Variants in CERCAM observed in about 807,000 individuals in gnomAD.
The protein encoded by CERCAM is inactive glycosyltransferase 25 family member 3.
In CERCAM, 59 loss-of-function variants were observed where a neutral mutation model predicts 66.0. The ratio of observed to expected loss-of-function variants is 0.89; its 90% CI spans 0.73 to 1.11. The LOEUF (loss-of-function observed/expected upper bound fraction) is 1.11, where lower values mean the gene tolerates loss of function less well. CERCAM is among the 50% of genes most tolerant of loss of function. The pLI is 0.00. For missense variants in CERCAM, 840 were observed against 828.3 expected (o/e 1.01, Z -0.17); for synonymous variants, 318 against 343.6 (o/e 0.93, Z 0.83).
chr9:128,431,456 G>A, intron 9 of CERCAM, 153 bp downstream of exon 9: 1 of 887,874 alleles, frequency 1.1e-6, no homozygotes, highest in Non-Finnish European at 1.7e-6. Flanking sequence ...ACCCCAGTGG[G>A]CACCACTAAG....
chr9:128,435,884 C>G lies in CERCAM; in HGVS notation c.1767C>G (p.Pro589=), dbSNP rs1834101885. ...GCAGCAGCGGGCACAGCCTCCAACC[C>G]CAGCCCCGAGATGAGCTCTAGGTGA... ...LTGSSGHSLQ[P]QPRDEL Residue 589 remains proline, a synonymous_variant, in exon 12 of 13, where the codon CCC becomes CCG. Coordinates refer to ENST00000372838, the MANE Select transcript of CERCAM (RefSeq NM_016174.5). The G allele has an allele frequency of 8.1e-6, 13 of 1,606,078 alleles. No individual in the cohort carries two copies. The highest frequency in any genetic ancestry group is 1.1e-5 in the Non-Finnish European group (13 of 1,179,006).
Position 128,435,521 on chromosome 9 carries a change from A to G in CERCAM, c.1536-132A>G, listed in dbSNP as rs1456000798. 4 of 929,710 alleles carry G rather than the reference A, an allele frequency of 4.3e-6. No individual in the cohort carries two copies. In the African/African-American group the frequency reaches 6.7e-5, roughly 15 times the overall value. 57.6% of individuals were successfully genotyped at this position (929,710 alleles called of 1,614,324 possible). On this transcript the variant is annotated intron_variant, in intron 11 of 12. Transcript: ENST00000372838. ...GGAGGTAGTAGAAGTCCCACTGCTC[A>G]GGGCCGCTGTGAGGACTAGATGGCG...
Position 128,424,169 on chromosome 9 carries a change from A to G in CERCAM, c.458A>G (p.Asn153Ser), listed in dbSNP as rs779190766. Residue 153 changes from asparagine (N) to serine (S), a missense_variant, in exon 4 of 13, where the codon AAT becomes AGT. Physicochemically the swap from Asn to Ser is conservative, Grantham distance 46. Transcript: ENST00000372838. ...FADTDNILTN[N>S]QTLRLLMGQG... ...GACACAGACAACATTCTGACCAACA[A>G]TCAGACTCTGCGGCTTCTCATGGGG... is the stretch of plus-strand genomic sequence containing the variant. 6.8e-6 allele frequency: 11 copies of G among 1,614,180 alleles called. No homozygotes were observed. Among genetic ancestry groups the G allele is most frequent in the Middle Eastern group, 1.6e-4 (1 of 6,062 alleles).
rs143970286 is a variant in CERCAM, at chr9:128,433,789, C to T, written c.1204-313C>T. On this transcript the variant is annotated intron_variant, in intron 9 of 12. Transcript: ENST00000372838. ...TCCCTGCATGTCCACCTCCTTCCTG[C>T]GATTGAGGATCATCATCTCCTGCCT... Among the ~76,000 whole-genome samples, 118 of 152,298 alleles carry T rather than the reference C, an allele frequency of 7.7e-4. 1 individual carries two copies. The highest frequency in any genetic ancestry group is 3.1e-3 in the Admixed American group (47 of 15,290).
intron 11 of CERCAM, among the ~76,000 whole-genome samples, chr9:128,435,347 T>C (rs1834082866): frequency 6.6e-6 from 1 of 152,122 alleles, no homozygotes; most frequent in African/African-American, 2.4e-5. Flanking sequence ...TTGGTCAGGC[T>C]AGTCTTGAAC....
At chr9:128,428,734 T>C (rs1286292778) in intron 6 of CERCAM, 23 bp from the exon 7 acceptor site, 1 of 1,613,544 alleles carries the variant, frequency 6.2e-7, no homozygotes, top group Admixed American at 1.7e-5. Context: ...GGACTCGTGC[T>C]TGGGGTGTGC....
intron 1 of CERCAM, 135 bp downstream of exon 1, chr9:128,421,209 C>A: frequency 2.4e-6 from 3 of 1,236,692 alleles, no homozygotes; most frequent in Non-Finnish European, 3.0e-6. Context: ...CACAGACGGC[C>A]CTGCCAGCCC....
In CERCAM at chr9:128,424,503, G is replaced by C; in HGVS notation, c.655G>C (p.Ala219Pro). The C allele has an allele frequency of 6.2e-7, 1 of 1,613,890 alleles. No homozygotes were observed. The highest frequency in any genetic ancestry group is 8.5e-7 in the Non-Finnish European group (1 of 1,180,008). Residue 219 changes from alanine (A) to proline (P), a missense_variant, in exon 5 of 13, where the codon GCA (alanine) becomes CCA (proline). Coordinates refer to ENST00000372838, the MANE Select transcript of CERCAM (RefSeq NM_016174.5). Reference sequence around the variant, plus strand: ...CCCCATGGTCCACTCCACCTTCCTTGCATCCCTGCGGGCTGAAGGGGCAGA... The same window carrying C: ...CCCCATGGTCCACTCCACCTTCCTTCCATCCCTGCGGGCTGAAGGGGCAGA... ...RVPMVHSTFL[A>P]SLRAEGADQL...
rs540772612 is a variant in CERCAM, at chr9:128,433,375, C to T, written c.1204-727C>T. On this transcript the variant is annotated intron_variant, in intron 9 of 12. Transcript: ENST00000372838. ...CTGAGGCAGGAGAATCACTTGAACC[C>T]GGGAGGCAGAGGTTGCAGTGAGCCA... 3.3e-5 allele frequency among the ~76,000 whole-genome samples: 5 copies of T among 152,090 alleles called. No individual in the cohort carries two copies. The South Asian group carries it at 6.2e-4, about 19-fold the overall frequency.
intron 6 of CERCAM, 130 bp downstream of exon 6, chr9:128,428,551 CAT>C: frequency 8.0e-7 from 1 of 1,248,214 alleles, no homozygotes; most frequent in Non-Finnish European, 1.1e-6. Context: ...TAACTCGTTC[CAT>C]GACTCTGAGA....
intron 3 of CERCAM, among the ~76,000 whole-genome samples, chr9:128,423,477 C>T (rs552383525): frequency 1.9e-4 from 29 of 152,098 alleles, no homozygotes; most frequent in South Asian, 1.7e-3. Flanking sequence ...ATTAGCTGGG[C>T]GTGGTCGCAG....
chr9:128,437,297 A>C lies in CERCAM; in HGVS notation c.*449A>C, dbSNP rs6918. On this transcript the variant is annotated 3_prime_UTR_variant, in exon 13 of 13. Transcript: ENST00000372838. Reference sequence around the variant, plus strand: ...GAGGTAAAGCAGGACCCTTGCAGACATGTTGCCCAGCACACAGTAGGCCCT... The same window carrying C: ...GAGGTAAAGCAGGACCCTTGCAGACCTGTTGCCCAGCACACAGTAGGCCCT... 0.26 allele frequency: 39,532 copies of C among 149,764 alleles called. 6,177 individuals carry two copies. The highest frequency in any genetic ancestry group is 0.42 in the African/African-American group (16,997 of 40,242). The allele number at this position is 149,764 out of a possible 1,614,324, so 9.3% of individuals were successfully genotyped here.
At chr9:128,424,700 A>T in intron 5 of CERCAM, 86 bp downstream of exon 5, 1 of 1,220,764 alleles carries the variant, frequency 8.2e-7, no homozygotes. Context: ...GCCCTTCCCT[A>T]CTCTGCATTT....
In CERCAM at chr9:128,420,984, C is replaced by T. The variant is rs1833695864; in HGVS notation, c.107C>T (p.Ala36Val). Reference sequence around the variant, plus strand: ...TCGCCGCTGCCCGCCGTGGTCCTTGCCATCCTGGCCCGCAATGCCGAACAC... The same window carrying T: ...TCGCCGCTGCCCGCCGTGGTCCTTGTCATCCTGGCCCGCAATGCCGAACAC... Reference protein sequence around the residue: ...AESPLPAVVLAILARNAEHSL... With the variant: ...AESPLPAVVLVILARNAEHSL... Residue 36 changes from alanine (A) to valine (V), a missense_variant, in exon 1 of 13, where the codon GCC becomes GTC. Physicochemically the swap from Ala to Val is moderately conservative, Grantham distance 64. Coordinates refer to ENST00000372838, the MANE Select transcript of CERCAM (RefSeq NM_016174.5). The surrounding 1 kb of genome is among the most constrained non-coding windows in gnomAD (Gnocchi z 5.0). The T allele has an allele frequency of 4.1e-6, 6 of 1,467,458 alleles. No homozygotes were observed. The South Asian group carries it at 6.5e-5, about 16-fold the overall frequency. 90.9% of individuals were successfully genotyped at this position (1,467,458 alleles called of 1,614,324 possible).
rs1833700958 is a variant in CERCAM, at chr9:128,421,157, C to T, written c.197+83C>T. ...CCCCCGCCCCCGGCGGCCCTGTCTG[C>T]TCGCTCCCTGCCCAGACACCACCTA... On this transcript the variant is annotated intron_variant, in intron 1 of 12. Transcript: ENST00000372838. 2.4e-6 allele frequency: 3 copies of T among 1,257,984 alleles called. No individual in the cohort carries two copies. In the South Asian group the frequency reaches 8.7e-5, roughly 37 times the overall value. 77.9% of individuals were successfully genotyped at this position (1,257,984 alleles called of 1,614,324 possible). A position where few individuals can be genotyped will look rare whatever the true frequency, so the allele number is the denominator to read the frequency against.
Position 128,421,220 on chromosome 9 carries a change from G to A in CERCAM, c.197+146G>A, listed in dbSNP as rs145793323. ...CCCTCACAGACGGCCCTGCCAGCCC[G>A]AGCCGCCAGAGAGGACCCCGAGCCC... On this transcript the variant is annotated intron_variant, in intron 1 of 12. Transcript: ENST00000372838. The A allele has an allele frequency of 1.3e-3, 1,637 of 1,236,528 alleles. 16 individuals carry two copies. In the African/African-American group the frequency reaches 0.021, roughly 16 times the overall value. 76.6% of individuals were successfully genotyped at this position (1,236,528 alleles called of 1,614,324 possible).
At chr9:128,430,127 A>G in intron 8 of CERCAM, among the ~76,000 whole-genome samples, 1 of 152,124 alleles carries the variant, frequency 6.6e-6, no homozygotes, top group East Asian at 1.9e-4. Context: ...TTGACTGGGC[A>G]CGGTGGCTCA....
chr9:128,424,079 ACTC>A, intron 3 of CERCAM, 56 bp from the exon 4 acceptor site: 7 of 1,575,598 alleles, frequency 4.4e-6, no homozygotes, highest in Non-Finnish European at 6.0e-6. Context: ...CACTCAGTGA[ACTC>A]CTTGGGGGGC....
chr9:128,434,658 C>G lies in CERCAM; in HGVS notation c.1535+45C>G. 6.4e-7 allele frequency: 1 copy of G among 1,557,286 alleles called. No homozygotes were observed. Among genetic ancestry groups the G allele is most frequent in the Non-Finnish European group, 8.7e-7 (1 of 1,147,146 alleles). ...CGGGCATGGCAGGGCAGAGGCGTCC[C>G]CTCCAGGAACTCACCTCAGTCAGCA... On this transcript the variant is annotated intron_variant, in intron 11 of 12. Coordinates refer to ENST00000372838, the MANE Select transcript of CERCAM (RefSeq NM_016174.5). The surrounding 1 kb of genome is among the most constrained non-coding windows in gnomAD (Gnocchi z 4.5).
Sources: gnomAD v4.1 joint callset for allele counts (sites outside exome capture counted in the v4.1 genomes callset) on GRCh38, gnomAD v4.1.1 for gene constraint, Gnocchi (gnomAD v3.1) non-coding constraint, MANE v1.5 for transcripts, NCBI Gene and HGNC (gene_info 2026-07-23, HGNC 2026-07-21) for gene names.